LARS2: variants seen among roughly 807,000 people sequenced by gnomAD.
LARS2 encodes leucine--tRNA ligase, mitochondrial.
In LARS2, 81 loss-of-function variants were observed where a neutral mutation model predicts 116.6. That is an observed-to-expected ratio of 0.69 (90% confidence interval 0.58 to 0.84). The LOEUF (loss-of-function observed/expected upper bound fraction) is 0.84, where lower values mean the gene tolerates loss of function less well. Ranked by LOEUF, LARS2 falls within the 40% of genes least tolerant of loss-of-function variation. The probability of loss-of-function intolerance (pLI) is 0.00; values close to 1 mark genes in which losing one functional copy is unlikely to be tolerated. For synonymous variants in LARS2, 396 were observed against 407.2 expected (o/e 0.97, Z 0.33); for missense variants, 968 against 1,114.5 (o/e 0.87, Z 1.87).
intron 10 of LARS2, among the ~76,000 whole-genome samples, chr3:45,484,630 A>AAAATATATATATAT (rs1553634443): frequency 1.0e-4 from 1 of 9,746 alleles, no homozygotes; most frequent in African/African-American, 1.8e-4. Flanking sequence ...AAAAAAAAAA[A>AAAATATATATATAT]ATATATATAT....
chr3:45,491,791 C>T lies in LARS2; in HGVS notation c.1514C>T (p.Ser505Phe), dbSNP rs750659632. The T allele has an allele frequency of 4.3e-6, 7 of 1,613,626 alleles. No individual in the cohort carries two copies. The highest frequency in any genetic ancestry group is 5.1e-6 in the Non-Finnish European group (6 of 1,179,750). ...ATGGCTTCAGAGTGGGTGAACTGCT[C>T]CTGCCCAAGGTAAGGAGCCACATCC... ...LAMASEWVNC[S>F]CPRCKGAAKR... is the part of the protein sequence containing the mutation. Residue 505 changes from serine to phenylalanine, a missense_variant, in exon 13 of 22, where the codon TCC becomes TTC. Ser to Phe is a radical substitution (Grantham distance 155, BLOSUM62 -2). Coordinates refer to ENST00000645846, the MANE Select transcript of LARS2 (RefSeq NM_015340.4).
At chr3:45,484,630 A>AATAT (rs1553634444) in intron 10 of LARS2, among the ~76,000 whole-genome samples, 211 of 9,746 alleles carry the variant, frequency 0.022, 19 homozygotes, top group Middle Eastern at 0.5. Context: ...AAAAAAAAAA[A>AATAT]ATATATATAT....
chr3:45,466,960 G>A (rs1401389729), intron 8 of LARS2, among the ~76,000 whole-genome samples: 1 of 152,156 alleles, frequency 6.6e-6, no homozygotes, highest in Non-Finnish European at 1.5e-5. Context: ...CCAAGCAACT[G>A]AGTATTTCTG....
At chr3:45,415,048 G>A (rs75734530) in intron 4 of LARS2, among the ~76,000 whole-genome samples, 21,625 of 152,196 alleles carry the variant, frequency 0.14, 1,883 homozygotes, top group Middle Eastern at 0.23. Context: ...TCCTGCTCAT[G>A]GCATGTAGTT....
At chr3:45,429,181 C>T (rs1698648902) in intron 6 of LARS2, among the ~76,000 whole-genome samples, 1 of 152,138 alleles carries the variant, frequency 6.6e-6, no homozygotes, top group South Asian at 2.1e-4. Flanking sequence ...ACAACATCAG[C>T]ATATTATCTG....
rs202154816 is a variant in LARS2 at position 45,491,553 on chromosome 3, C to A, written c.1276C>A (p.Leu426Met). Reference sequence around the variant, plus strand: ...GACCCGGCAGGATGCTTTTCTAGCCCTGACTCAGAAAGCCCGGGGGAAGAG... The same window carrying A: ...GACCCGGCAGGATGCTTTTCTAGCCATGACTCAGAAAGCCCGGGGGAAGAG... The part of the protein sequence containing the change: ...GMTRQDAFLA[L>M]TQKARGKRVG... Residue 426 changes from leucine (L) to methionine (M), a missense_variant, in exon 13 of 22, where the codon CTG becomes ATG. Transcript: ENST00000645846. The A allele has an allele frequency of 6.2e-7, 1 of 1,614,168 alleles. No homozygotes were observed. Among genetic ancestry groups the A allele is most frequent in the African/African-American group, 1.3e-5 (1 of 75,040 alleles).
chr3:45,421,106 T>C (rs564374450), intron 6 of LARS2: 1 of 152,348 alleles, frequency 6.6e-6, no homozygotes, highest in East Asian at 1.9e-4. Context: ...TGTATTATAA[T>C]GTATTTAAGC....
chr3:45,420,751 A>C (rs1041436097), intron 6 of LARS2, among the ~76,000 whole-genome samples: 7 of 152,124 alleles, frequency 4.6e-5, no homozygotes, highest in African/African-American at 7.2e-5. Context: ...TCAGGATGAG[A>C]GTGTTGACTC....
chr3:45,498,032 G>C (rs1401127150), intron 14 of LARS2, among the ~76,000 whole-genome samples: 1 of 152,262 alleles, frequency 6.6e-6, no homozygotes, highest in Non-Finnish European at 1.5e-5. Flanking sequence ...CTGGCCCACA[G>C]AGGGGCTCCC....
chr3:45,430,383 A>G (rs1183688870), intron 6 of LARS2, among the ~76,000 whole-genome samples: 2 of 148,860 alleles, frequency 1.3e-5, no homozygotes, highest in Non-Finnish European at 3.0e-5. Flanking sequence ...GGTTCACGCC[A>G]TTCTCCTGCC....
chr3:45,518,312 A>T (rs1026448271), intron 18 of LARS2, among the ~76,000 whole-genome samples: 5 of 152,146 alleles, frequency 3.3e-5, no homozygotes, highest in African/African-American at 1.2e-4. Flanking sequence ...TGGCTCTCTG[A>T]TGATGTCTCA....
intron 15 of LARS2, among the ~76,000 whole-genome samples, chr3:45,508,583 C>G (rs9833543): frequency 0.018 from 2,742 of 152,022 alleles, 75 homozygotes; most frequent in African/African-American, 0.059. Context: ...CTATGGCCTT[C>G]AAAGATCTGC....
At chr3:45,456,809 C>T (rs971091497) in intron 7 of LARS2, among the ~76,000 whole-genome samples, 2 of 152,204 alleles carry the variant, frequency 1.3e-5, no homozygotes, top group Non-Finnish European at 2.9e-5. Context: ...ACTTCACATA[C>T]TTAAATTTTC....
At chr3:45,395,733 G>A (rs1698032626) in intron 3 of LARS2, among the ~76,000 whole-genome samples, 1 of 152,150 alleles carries the variant, frequency 6.6e-6, no homozygotes, top group Admixed American at 6.5e-5. Context: ...TGTGAGATTG[G>A]TGGTTATGAA....
chr3:45,425,118 T>C (rs1036862579), intron 6 of LARS2, among the ~76,000 whole-genome samples: 1 of 152,226 alleles, frequency 6.6e-6, no homozygotes, highest in Admixed American at 6.5e-5. Flanking sequence ...TGTTTTTCTA[T>C]CTTATTTATC....
At chr3:45,401,154 G>A (rs966060595) in intron 4 of LARS2, among the ~76,000 whole-genome samples, 1 of 152,114 alleles carries the variant, frequency 6.6e-6, no homozygotes, top group South Asian at 2.1e-4. Context: ...ATTTTTTTAA[G>A]AAAAGATATT....
At chr3:45,542,658 C>T (rs767402905) in intron 21 of LARS2, among the ~76,000 whole-genome samples, 2 of 152,222 alleles carry the variant, frequency 1.3e-5, no homozygotes, top group African/African-American at 2.4e-5. Flanking sequence ...TCAAAATTGT[C>T]ATTTCACTCT....
At chr3:45,417,619 T>A (rs772709162) in intron 5 of LARS2, 46 bp downstream of exon 5, 1 of 1,457,072 alleles carries the variant, frequency 6.9e-7, no homozygotes, top group Non-Finnish European at 9.6e-7. Flanking sequence ...CAAAAACCTT[T>A]AAAAAATTTT....
intron 8 of LARS2, among the ~76,000 whole-genome samples, chr3:45,468,610 A>C (rs958047472): frequency 2.6e-5 from 4 of 152,226 alleles, no homozygotes; most frequent in Admixed American, 2.0e-4. Context: ...TTACCAGTGT[A>C]GTGGTGACAT....
Sources: gnomAD v4.1 joint callset for allele counts (sites outside exome capture counted in the v4.1 genomes callset) on GRCh38, gnomAD v4.1.1 for gene constraint, MANE v1.5 for transcripts, NCBI Gene and HGNC (gene_info 2026-07-23, HGNC 2026-07-21) for gene names.